RBM33: variants seen among roughly 807,000 people sequenced by gnomAD.
RBM33 encodes the protein RNA binding motif protein 33, also known as RNA-binding protein 33.
Under a neutral mutation model 132.6 loss-of-function variants are expected in RBM33, and 28 were observed. The observed-to-expected ratio is 0.21, with a 90% CI of 0.16 to 0.29. The LOEUF (loss-of-function observed/expected upper bound fraction) is 0.29, where lower values mean the gene tolerates loss of function less well. Among genes scored for constraint, RBM33 ranks in the 10% least tolerant of loss-of-function variants. The pLI, the probability that RBM33 is intolerant of heterozygous loss-of-function variation, is 1.00. For synonymous variants in RBM33, 634 were observed against 593.0 expected, an observed-to-expected ratio of 1.07 and a Z score of -1.01; for missense variants, 1,291 against 1,518.5, an observed-to-expected ratio of 0.85 and a Z score of 2.49.
chr7:155,742,228 T>TA, intron 13 of RBM33, 122 bp downstream of exon 13: 1 of 896,630 alleles, frequency 1.1e-6, no homozygotes, highest in Non-Finnish European at 1.6e-6. Flanking sequence ...TTCACCTGGG[T>TA]CTTTTTTTTT....
chr7:155,644,979 G>C (rs1343147949), intron 1 of RBM33, 60 bp downstream of exon 1: 2 of 1,312,432 alleles, frequency 1.5e-6, no homozygotes, highest in Admixed American at 5.5e-5. Flanking sequence ...GGGGGTGTAG[G>C]CCGGGGGGCC....
chr7:155,693,693 G>A (rs1364853873), intron 5 of RBM33, among the ~76,000 whole-genome samples: 1 of 151,262 alleles, frequency 6.6e-6, no homozygotes, highest in Non-Finnish European at 1.5e-5. Context: ...GGCTGGTGAT[G>A]TGCTGGTCTT....
rs963478900 is a variant in RBM33 at position 155,774,686 on chromosome 7, G to A, written c.3464+39G>A. The A allele has an allele frequency of 6.6e-6, 10 of 1,517,590 alleles. No homozygotes were observed. Among genetic ancestry groups the A allele is most frequent in the African/African-American group, 2.7e-5 (2 of 72,944 alleles). 94.0% of individuals were successfully genotyped at this position (1,517,590 alleles called of 1,614,324 possible). ...TCTGTGCTTGTGGTGATAAGGGGGC[G>A]GGAGCAAGGCCCTCCTTCCTGTGCC... On this transcript the variant is annotated intron_variant, in intron 17 of 17. Transcript: ENST00000401878. The surrounding 1 kb of genome is among the most constrained non-coding windows in gnomAD (Gnocchi z 4.2).
intron 1 of RBM33, among the ~76,000 whole-genome samples, chr7:155,657,898 A>G (rs1798536020): frequency 6.6e-6 from 1 of 152,202 alleles, no homozygotes; most frequent in Non-Finnish European, 1.5e-5. Context: ...AACGTGTATC[A>G]GGGACAGTGC....
chr7:155,685,580 A>G (rs1799454680), intron 5 of RBM33, among the ~76,000 whole-genome samples: 1 of 152,216 alleles, frequency 6.6e-6, no homozygotes, highest in Non-Finnish European at 1.5e-5. Context: ...TCACCGAGGA[A>G]ACCCCGTGGG....
chr7:155,708,068 C>A (rs561255372), intron 7 of RBM33, among the ~76,000 whole-genome samples: 8 of 152,152 alleles, frequency 5.3e-5, no homozygotes, highest in Middle Eastern at 3.2e-3. Flanking sequence ...TACCACATGC[C>A]GTTTTTACAT....
At chr7:155,759,930 G>A (rs1054531650) in intron 14 of RBM33, among the ~76,000 whole-genome samples, 8 of 152,126 alleles carry the variant, frequency 5.3e-5, no homozygotes, top group African/African-American at 1.7e-4. Flanking sequence ...AGGTACTGTC[G>A]CCTCTCTTTC....
At chr7:155,756,323 G>A (rs766474710) in intron 14 of RBM33, among the ~76,000 whole-genome samples, 2 of 152,088 alleles carry the variant, frequency 1.3e-5, no homozygotes, top group African/African-American at 2.4e-5. Context: ...TAAATAAATG[G>A]GTAGATTTAA....
At position 155,737,582 on chromosome 7, in the gene RBM33, G is replaced by C; in HGVS notation, c.1313G>C (p.Ser438Thr). 1 of 1,613,176 alleles carries C rather than the reference G, an allele frequency of 6.2e-7. No homozygotes were observed. Among genetic ancestry groups the C allele is most frequent in the Non-Finnish European group, 8.5e-7 (1 of 1,179,626 alleles). ...CCTGGACCTGTTCCCAACAGTTTCA[G>C]CCAGCCCCCACGACTCCCTCTCCAG... The part of the protein sequence containing the change: ...HTPGPVPNSF[S>T]QPPRLPLQDQ... Residue 438 changes from serine to threonine, a missense_variant, in exon 10 of 18, where the codon AGC becomes ACC. Physicochemically the swap from Ser to Thr is moderately conservative, Grantham distance 58 (BLOSUM62 1). This residue lies in a region of RBM33 where 841 missense variants were observed against 912.0 expected (regional missense o/e 0.92). Coordinates refer to ENST00000401878, the MANE Select transcript of RBM33 (RefSeq NM_053043.3).
At chr7:155,722,488 T>C (rs10242091) in intron 9 of RBM33, among the ~76,000 whole-genome samples, 26,766 of 152,214 alleles carry the variant, frequency 0.18, 2,403 homozygotes, top group East Asian at 0.28. Context: ...TTCTCTGTTT[T>C]ACAATTAAAT....
chr7:155,723,933 G>C (rs1227641485), intron 9 of RBM33, among the ~76,000 whole-genome samples: 2 of 152,158 alleles, frequency 1.3e-5, no homozygotes, highest in Non-Finnish European at 2.9e-5. Flanking sequence ...AAGTAAATCT[G>C]TTACATTGAC....
intron 9 of RBM33, among the ~76,000 whole-genome samples, chr7:155,725,603 A>G (rs533539700): frequency 4.7e-4 from 71 of 152,298 alleles, no homozygotes; most frequent in Non-Finnish European, 9.0e-4. Context: ...AGGGCCAGTC[A>G]TTAGGAGGAG....
intron 16 of RBM33, among the ~76,000 whole-genome samples, chr7:155,773,452 C>T (rs2117086319): frequency 6.6e-6 from 1 of 151,398 alleles, no homozygotes; most frequent in Admixed American, 6.6e-5. Flanking sequence ...CCTATAATCC[C>T]AGCTACTTGG....
At position 155,740,033 on chromosome 7, in the gene RBM33, G is replaced by A. The variant is rs1199301260; in HGVS notation, c.2049+7G>A. On this transcript the variant is annotated splice_region_variant and intron_variant, in intron 12 of 17. Coordinates refer to ENST00000401878, the MANE Select transcript of RBM33 (RefSeq NM_053043.3). ...GCGCCAGGGGCTCCGGCATGTAAGT[G>A]TCAAGGGGTGTCTTCCCTGTGTCTT... is the stretch of plus-strand genomic sequence containing the variant. The A allele has an allele frequency of 6.6e-7, 1 of 1,525,640 alleles. No individual in the cohort carries two copies. The highest frequency in any genetic ancestry group is 1.3e-5 in the South Asian group (1 of 78,342). The allele number at this position is 1,525,640 out of a possible 1,614,324, so 94.5% of individuals were successfully genotyped here.
chr7:155,651,177 C>T (rs916952468), intron 1 of RBM33, among the ~76,000 whole-genome samples: 3 of 152,078 alleles, frequency 2.0e-5, no homozygotes, highest in African/African-American at 4.8e-5. Flanking sequence ...TGCACCTGGC[C>T]GACAGCTTCT....
intron 5 of RBM33, among the ~76,000 whole-genome samples, chr7:155,686,635 C>T (rs1022182357): frequency 6.6e-6 from 1 of 152,096 alleles, no homozygotes; most frequent in Non-Finnish European, 1.5e-5. Flanking sequence ...CCCGCTCCCC[C>T]CACCCCATGA....
intron 1 of RBM33, among the ~76,000 whole-genome samples, chr7:155,651,012 G>A (rs1303821084): frequency 6.6e-6 from 1 of 152,076 alleles, no homozygotes; most frequent in Non-Finnish European, 1.5e-5. Flanking sequence ...CAAGTAGCTG[G>A]GATTACAGGC....
At chr7:155,688,944 G>A (rs1390980740) in intron 5 of RBM33, among the ~76,000 whole-genome samples, 1 of 152,072 alleles carries the variant, frequency 6.6e-6, no homozygotes, top group East Asian at 1.9e-4. Context: ...CTTTTTTGTT[G>A]TGTCTCTGCC....
At chr7:155,756,730 A>G (rs913953523) in intron 14 of RBM33, among the ~76,000 whole-genome samples, 6 of 152,166 alleles carry the variant, frequency 3.9e-5, no homozygotes, top group African/African-American at 1.4e-4. Context: ...GTTGGAGTGA[A>G]TGGTAAAACC....
Sources: allele counts gnomAD v4.1 joint callset (sites outside exome capture counted in the v4.1 genomes callset), GRCh38; gene constraint gnomAD v4.1.1; regional missense constraint gnomAD v4.1.1; non-coding constraint Gnocchi (gnomAD v3.1); transcripts MANE v1.5; gene names NCBI Gene and HGNC (gene_info 2026-07-23, HGNC 2026-07-21).